The following SEMA3A variants were observed in gnomAD, a reference collection of about 807,000 sequenced individuals.
The protein encoded by SEMA3A is semaphorin 3A, also known as semaphorin-3A.
A neutral mutation model predicts 97.9 loss-of-function variants in SEMA3A; 29 were observed. The ratio of observed to expected loss-of-function variants is 0.30; its 90% CI spans 0.22 to 0.40. SEMA3A has a LOEUF of 0.40. Ranked by LOEUF, SEMA3A falls within the 10% of genes least tolerant of loss-of-function variation. The pLI is 1.00. For missense variants in SEMA3A, 763 were observed against 951.3 expected (o/e 0.80, Z 2.60); for synonymous variants, 321 against 323.7 (o/e 0.99, Z 0.09).
chr7:84,011,330 T>C, intron 7 of SEMA3A, 33 bp from the exon 8 acceptor site: 1 of 1,271,374 alleles, frequency 7.9e-7, no homozygotes, highest in East Asian at 2.3e-5. Context: ...TTAGGCACTG[T>C]TAATGAAAAT....
chr7:84,241,689 T>C (rs1799368590), intron 3 of SEMA3A, among the ~76,000 whole-genome samples: 1 of 152,202 alleles, frequency 6.6e-6, no homozygotes, highest in Admixed American at 6.5e-5. Context: ...ATTTTAGTCA[T>C]GAAGTCTTTG....
chr7:84,140,741 T>C (rs1796271063), intron 1 of SEMA3A, among the ~76,000 whole-genome samples: 1 of 152,158 alleles, frequency 6.6e-6, no homozygotes, highest in Non-Finnish European at 1.5e-5. Context: ...TCCTGGATTT[T>C]ATTTTCAATT....
At chr7:84,227,351 C>T (rs1282145221) in intron 3 of SEMA3A, among the ~76,000 whole-genome samples, 1 of 151,956 alleles carries the variant, frequency 6.6e-6, no homozygotes, top group Non-Finnish European at 1.5e-5. Flanking sequence ...TAACTTCAAA[C>T]CAGCAAGCAT....
intron 3 of SEMA3A, among the ~76,000 whole-genome samples, chr7:84,289,492 CAATT>C (rs1800687073): frequency 6.6e-6 from 1 of 151,854 alleles, no homozygotes. Context: ...TAAATATGTA[CAATT>C]ATTATCAATA....
chr7:84,354,266 T>C (rs1802503942), intron 2 of SEMA3A, among the ~76,000 whole-genome samples: 2 of 151,674 alleles, frequency 1.3e-5, no homozygotes, highest in South Asian at 4.1e-4. Context: ...TCAGACCAAA[T>C]TTCTGTTCAA....
In SEMA3A at chr7:84,463,464, A is replaced by G. The variant is rs574269737; in HGVS notation, c.-246+28996T>C. Among the ~76,000 whole-genome samples, 226 of 151,844 alleles carry G rather than the reference A, an allele frequency of 1.5e-3. 1 individual carries two copies. The highest frequency in any genetic ancestry group is 0.011 in the East Asian group (57 of 5,144). ...GGGGTTTCACCGTGTTAGCCAGGAT[A>G]GTCCCGATCTCCTAACCTCGTGATC... is the stretch of plus-strand genomic sequence containing the variant. On this transcript the variant is annotated intron_variant, in intron 1 of 3. Transcript: ENST00000424555.
intron 3 of SEMA3A, among the ~76,000 whole-genome samples, chr7:84,286,525 T>A (rs1800592133): frequency 6.6e-6 from 1 of 152,186 alleles, no homozygotes; most frequent in Admixed American, 6.6e-5. Flanking sequence ...TTACCTATAG[T>A]TTGATGGATT....
chr7:84,092,740 C>A (rs1463997258), intron 4 of SEMA3A, among the ~76,000 whole-genome samples: 1 of 151,896 alleles, frequency 6.6e-6, no homozygotes, highest in African/African-American at 2.4e-5. Context: ...TTCTTATTTC[C>A]TCCTTCCCTC....
intron 1 of SEMA3A, among the ~76,000 whole-genome samples, chr7:84,417,833 G>T (rs973756234): frequency 6.6e-6 from 1 of 151,986 alleles, no homozygotes; most frequent in Non-Finnish European, 1.5e-5. Context: ...AATTGCAGGT[G>T]TAATGGTTCA....
At chr7:84,358,816 A>G (rs62472599) in intron 2 of SEMA3A, among the ~76,000 whole-genome samples, 43,924 of 151,838 alleles carry the variant, frequency 0.29, 6,854 homozygotes, top group African/African-American at 0.39. Context: ...ATTTTGTTGA[A>G]CAGTGGTTTG....
intron 3 of SEMA3A, among the ~76,000 whole-genome samples, chr7:84,259,643 G>GA (rs964405055): frequency 1.3e-5 from 2 of 151,752 alleles, no homozygotes; most frequent in African/African-American, 4.8e-5. Flanking sequence ...ATGGTACTGG[G>GA]AAAAAAATGG....
intron 3 of SEMA3A, among the ~76,000 whole-genome samples, chr7:84,290,307 G>A (rs575575343): frequency 6.6e-6 from 1 of 151,918 alleles, no homozygotes; most frequent in Non-Finnish European, 1.5e-5. Context: ...CAAAAAAACT[G>A]TCTGTGTCCT....
intron 1 of SEMA3A, among the ~76,000 whole-genome samples, chr7:84,477,073 A>AAAAT (rs372931949): frequency 7.8e-5 from 11 of 140,572 alleles, no homozygotes; most frequent in East Asian, 2.1e-4. Flanking sequence ...AAAAAAAAAA[A>AAAAT]ATATATATAT....
chr7:84,304,411 A>T (rs551184047), intron 3 of SEMA3A, among the ~76,000 whole-genome samples: 1 of 152,206 alleles, frequency 6.6e-6, no homozygotes, highest in African/African-American at 2.4e-5. Flanking sequence ...AAGAAGAAAA[A>T]TATTTTTCAC....
chr7:84,042,164 C>G (rs957490540), intron 6 of SEMA3A, among the ~76,000 whole-genome samples: 1 of 152,080 alleles, frequency 6.6e-6, no homozygotes, highest in Non-Finnish European at 1.5e-5. Flanking sequence ...TATCCTAGTA[C>G]ATGACCACAG....
At chr7:84,444,100 G>A (rs575768161) in intron 1 of SEMA3A, among the ~76,000 whole-genome samples, 139 of 151,988 alleles carry the variant, frequency 9.1e-4, no homozygotes, top group Non-Finnish European at 1.4e-3. Flanking sequence ...TGGCCAGGCT[G>A]GTCTCAAACT....
intron 14 of SEMA3A, among the ~76,000 whole-genome samples, chr7:83,978,997 GTGT>G (rs1205982347): frequency 3.3e-5 from 5 of 152,254 alleles, no homozygotes; most frequent in South Asian, 4.1e-4. Flanking sequence ...ACTTATAGAT[GTGT>G]TGATTTTCTT....
At chr7:84,285,916 T>C (rs930828685) in intron 3 of SEMA3A, among the ~76,000 whole-genome samples, 1 of 139,400 alleles carries the variant, frequency 7.2e-6, no homozygotes, top group Admixed American at 7.9e-5. Context: ...TGACTGTGAG[T>C]GAGACATGAT....
chr7:84,153,298 G>A (rs1796736245), intron 1 of SEMA3A, among the ~76,000 whole-genome samples: 1 of 152,146 alleles, frequency 6.6e-6, no homozygotes, highest in Non-Finnish European at 1.5e-5. Flanking sequence ...GGAGAGGCCT[G>A]TCATCCACAT....
Sources: allele counts gnomAD v4.1 joint callset (sites outside exome capture counted in the v4.1 genomes callset), GRCh38; gene constraint gnomAD v4.1.1; transcripts MANE v1.5; gene names NCBI Gene and HGNC (gene_info 2026-07-23, HGNC 2026-07-21).